The following HNRNPR variants were observed in gnomAD, a reference collection of about 807,000 sequenced individuals.
HNRNPR encodes heterogeneous nuclear ribonucleoprotein R.
A neutral mutation model predicts 70.3 loss-of-function variants in HNRNPR; 4 were observed. The observed-to-expected ratio is 0.06, with a 90% CI of 0.03 to 0.13. The LOEUF (loss-of-function observed/expected upper bound fraction) is 0.13. Among genes scored for constraint, HNRNPR ranks in the 10% least tolerant of loss-of-function variants. The pLI is 1.00. For missense variants in HNRNPR, 423 were observed against 788.5 expected, an observed-to-expected ratio of 0.54 and a Z score of 5.55; for synonymous variants, 241 against 267.6, an observed-to-expected ratio of 0.90 and a Z score of 0.97.
intron 5 of HNRNPR, among the ~76,000 whole-genome samples, chr1:23,324,286 C>T (rs922689516): frequency 2.0e-5 from 3 of 150,656 alleles, no homozygotes; most frequent in South Asian, 2.1e-4. Flanking sequence ...AAAGCAACCT[C>T]GGCCGGGCGC....
intron 8 of HNRNPR, among the ~76,000 whole-genome samples, chr1:23,315,343 T>C (rs1028991936): frequency 4.0e-5 from 6 of 149,998 alleles, no homozygotes; most frequent in African/African-American, 1.5e-4. Context: ...CTATGAGTTG[T>C]AGGATAGGAC....
At chr1:23,337,576 G>T (rs1472369487) in intron 4 of HNRNPR, among the ~76,000 whole-genome samples, 178 bp downstream of exon 4, 1 of 151,784 alleles carries the variant, frequency 6.6e-6, no homozygotes, top group African/African-American at 2.4e-5. Context: ...AGAATGGCAT[G>T]AACTTGGGAG....
At chr1:23,325,616 C>T (rs942084088) in intron 5 of HNRNPR, among the ~76,000 whole-genome samples, 5 of 152,114 alleles carry the variant, frequency 3.3e-5, no homozygotes, top group African/African-American at 1.2e-4. Flanking sequence ...ACTTCTATCG[C>T]ACCTCAGAGA....
chr1:23,333,490 T>A (rs750361748), intron 5 of HNRNPR, 28 bp downstream of exon 5: 7 of 1,406,084 alleles, frequency 5.0e-6, no homozygotes, highest in South Asian at 1.2e-5. Context: ...ACTGGAAAGA[T>A]CTTGGTAAAC....
rs895030509 is a variant in HNRNPR at position 23,338,432 on chromosome 1, T to G, written c.276+58A>C. On this transcript the variant is annotated intron_variant, in intron 3 of 10. Transcript: ENST00000302271. ...CACTTCTCCATAGGAAAAAAAGTAA[T>G]AGTAAAATAATTTCAGATTACTAAT... The G allele has an allele frequency of 1.2e-5, 8 of 663,530 alleles. No individual in the cohort carries two copies. In the Admixed American group the frequency reaches 2.4e-4, roughly 20 times the overall value. The allele number at this position is 663,530 out of a possible 1,614,324, so 41.1% of individuals were successfully genotyped here. A position where few individuals can be genotyped will look rare whatever the true frequency, so the allele number is the denominator to read the frequency against.
At chr1:23,311,551 C>G in intron 9 of HNRNPR, 1 of 356,466 alleles carries the variant, frequency 2.8e-6, no homozygotes, top group Non-Finnish European at 5.1e-6. Context: ...AGAACAAAAC[C>G]GACCACCTGA....
intron 5 of HNRNPR, 84 bp downstream of exon 5, chr1:23,333,434 T>C (rs1646325904): frequency 2.7e-6 from 2 of 739,736 alleles, no homozygotes; most frequent in South Asian, 1.7e-5. Flanking sequence ...TCAAGAATTT[T>C]CCCCCGTCTG....
Position 23,337,808 on chromosome 1 carries a change from T to A in HNRNPR, c.330A>T (p.Lys110Asn), listed in dbSNP as rs1024125534. Reference sequence around the variant, plus strand: ...TGGACTCTTGCACCTTGCTCCCCTGTTTCTCTCTCTGCCTGTAGGTCTTCA... The same window carrying A: ...TGGACTCTTGCACCTTGCTCCCCTGATTCTCTCTCTGCCTGTAGGTCTTCA... Reference protein sequence around the residue: ...GVMKTYRQREKQGSKVQESTK... With the variant: ...GVMKTYRQRENQGSKVQESTK... Residue 110 changes from lysine to asparagine, a missense_variant, in exon 4 of 11, where the codon AAA becomes AAT. Around this residue, in one of 7 missense-constraint regions of HNRNPR, gnomAD observed 118 missense variants for 239.3 expected, o/e 0.49. Coordinates refer to ENST00000302271, the MANE Select transcript of HNRNPR (RefSeq NM_005826.5). 6.2e-7 allele frequency: 1 copy of A among 1,613,688 alleles called. No homozygotes were observed. The highest frequency in any genetic ancestry group is 1.3e-5 in the African/African-American group (1 of 74,906).
chr1:23,311,331 A>C lies in HNRNPR; in HGVS notation c.1168-9T>G. The C allele has an allele frequency of 6.7e-7, 1 of 1,502,776 alleles. No individual in the cohort carries two copies. 93.1% of individuals were successfully genotyped at this position (1,502,776 alleles called of 1,614,324 possible). A position where few individuals can be genotyped will look rare whatever the true frequency, so the allele number is the denominator to read the frequency against. On this transcript the variant is annotated splice_polypyrimidine_tract_variant and intron_variant, in intron 9 of 10. Transcript: ENST00000302271. Reference sequence around the variant, plus strand: ...TTCATTTCATCCATAGCCTATAAAAAATTAGAAAAATTATTTTACAACGAT... The same window carrying C: ...TTCATTTCATCCATAGCCTATAAAACATTAGAAAAATTATTTTACAACGAT...
At chr1:23,342,708 CTCAG>C (rs1488386781) in intron 1 of HNRNPR, among the ~76,000 whole-genome samples, 1 of 152,166 alleles carries the variant, frequency 6.6e-6, no homozygotes, top group Non-Finnish European at 1.5e-5. Flanking sequence ...CTCAAAAGTT[CTCAG>C]TATCACAAGA....
At chr1:23,317,458 A>G (rs1242158381) in intron 8 of HNRNPR, among the ~76,000 whole-genome samples, 1 of 152,026 alleles carries the variant, frequency 6.6e-6, no homozygotes, top group African/African-American at 2.4e-5. Flanking sequence ...TCCATCTCAA[A>G]AAAAAAGAAA....
At chr1:23,313,780 C>A in intron 8 of HNRNPR, 78 bp from the exon 9 acceptor site, 6 of 1,440,766 alleles carry the variant, frequency 4.2e-6, no homozygotes, top group Non-Finnish European at 5.6e-6. Context: ...GTCTTCATAG[C>A]ATAGCTTTTC....
chr1:23,325,806 A>G (rs1420051407), intron 5 of HNRNPR, among the ~76,000 whole-genome samples: 1 of 152,112 alleles, frequency 6.6e-6, no homozygotes, highest in Non-Finnish European at 1.5e-5. Flanking sequence ...AAAACAAAAC[A>G]CAACAAAACA....
chr1:23,327,666 T>C (rs943816414), intron 5 of HNRNPR, among the ~76,000 whole-genome samples: 7 of 151,846 alleles, frequency 4.6e-5, no homozygotes, highest in African/African-American at 1.7e-4. Flanking sequence ...CTCCAGCCTA[T>C]GCAACAGAGT....
chr1:23,318,794 G>A lies in HNRNPR; in HGVS notation c.812-106C>T. 1.0e-6 allele frequency: 1 copy of A among 962,714 alleles called. No homozygotes were observed. The highest frequency in any genetic ancestry group is 2.6e-5 in the East Asian group (1 of 38,418). 59.6% of individuals were successfully genotyped at this position (962,714 alleles called of 1,614,324 possible). ...CGATGAGCAAAATATAAGTGAAGCAGCCTCAACATGAGTCACTAATTTTGT... is the reference window on the plus strand; with the variant it reads ...CGATGAGCAAAATATAAGTGAAGCAACCTCAACATGAGTCACTAATTTTGT... On this transcript the variant is annotated intron_variant, in intron 7 of 10. Transcript: ENST00000302271. This position sits in a 1 kb window ranked among gnomAD's most constrained non-coding sequence, Gnocchi z 4.2.
chr1:23,332,039 G>A (rs1646253984), intron 5 of HNRNPR, among the ~76,000 whole-genome samples: 1 of 151,886 alleles, frequency 6.6e-6, no homozygotes, highest in African/African-American at 2.4e-5. Context: ...GGTTAAGGCA[G>A]GAGAATCGCT....
In HNRNPR at chr1:23,325,604, TCA is replaced by T. The variant is rs578012547; in HGVS notation, c.499-1874_499-1873del. On this transcript the variant is annotated intron_variant, in intron 5 of 10. Coordinates refer to ENST00000302271, the MANE Select transcript of HNRNPR (RefSeq NM_005826.5). ...TTCTTACCTCTCACAATGTCTACTT[TCA>T]CTTCTATCGCACCTCAGAGAAAGAG... is the stretch of plus-strand genomic sequence containing the variant. Among the ~76,000 whole-genome samples the T allele has an allele frequency of 2.4e-3, 362 of 152,288 alleles. 5 individuals carry two copies. Among genetic ancestry groups the T allele is most frequent in the Middle Eastern group, 3.4e-3 (1 of 294 alleles).
intron 6 of HNRNPR, among the ~76,000 whole-genome samples, chr1:23,323,043 G>C (rs924237998): frequency 6.6e-6 from 1 of 152,120 alleles, no homozygotes; most frequent in Non-Finnish European, 1.5e-5. Flanking sequence ...CAAGGGCCAA[G>C]AAACATACAG....
intron 3 of HNRNPR, 141 bp downstream of exon 3, chr1:23,338,349 A>T (rs949761708): frequency 1.1e-5 from 5 of 454,740 alleles, no homozygotes; most frequent in African/African-American, 8.2e-5. Context: ...TGCCACAAGC[A>T]GTTTTTTTCC....
Sources: allele counts gnomAD v4.1 joint callset (sites outside exome capture counted in the v4.1 genomes callset), GRCh38; gene constraint gnomAD v4.1.1; regional missense constraint gnomAD v4.1.1; non-coding constraint Gnocchi (gnomAD v3.1); transcripts MANE v1.5; gene names NCBI Gene and HGNC (gene_info 2026-07-23, HGNC 2026-07-21).